The following DAP3 variants were observed in gnomAD, a reference collection of about 807,000 sequenced individuals.
DAP3 encodes the protein death associated protein 3.
Under a neutral mutation model 51.9 loss-of-function variants are expected in DAP3, and 28 were observed. That is an observed-to-expected ratio of 0.54 (90% CI 0.40 to 0.74). The LOEUF is 0.74. Ranked by LOEUF, DAP3 falls within the 30% of genes least tolerant of loss-of-function variation. DAP3 has a pLI of 0.00. For missense variants in DAP3, 458 were observed against 483.5 expected, an observed-to-expected ratio of 0.95 and a Z score of 0.49; for synonymous variants, 170 against 170.3, an observed-to-expected ratio of 1.00 and a Z score of 0.01.
intron 2 of DAP3, among the ~76,000 whole-genome samples, chr1:155,716,011 G>A (rs1440994474): frequency 6.6e-6 from 1 of 152,186 alleles, no homozygotes; most frequent in Non-Finnish European, 1.5e-5. Context: ...GATAACTGAG[G>A]TGACTGACAG....
At chr1:155,707,110 C>A (rs1029907038) in intron 1 of DAP3, among the ~76,000 whole-genome samples, 2 of 123,606 alleles carry the variant, frequency 1.6e-5, no homozygotes, top group African/African-American at 6.1e-5. Context: ...CAAAACAAAA[C>A]AAACAAAAAA....
chr1:155,701,023 C>T (rs796585225), intron 1 of DAP3, among the ~76,000 whole-genome samples: 18,388 of 110,346 alleles, frequency 0.17, 454 homozygotes, highest in East Asian at 0.46. Context: ...GCCCCCCGCC[C>T]GGCCAGCCGC....
intron 1 of DAP3, among the ~76,000 whole-genome samples, chr1:155,701,423 G>T (rs1655262934): frequency 4.6e-5 from 5 of 109,224 alleles, no homozygotes; most frequent in Non-Finnish European, 5.4e-5. Context: ...TCCACTCAGG[G>T]TTAAATGGAT....
intron 1 of DAP3, among the ~76,000 whole-genome samples, chr1:155,703,542 A>T (rs1434183327): frequency 1.3e-5 from 2 of 152,094 alleles, no homozygotes; most frequent in Non-Finnish European, 2.9e-5. Flanking sequence ...AATCAGCTTG[A>T]CAAGTTTTTT....
chr1:155,688,567 G>A (rs189141963), upstream of DAP3: 23 of 1,538,000 alleles, frequency 1.5e-5, no homozygotes, highest in East Asian at 2.4e-5. Flanking sequence ...CAGCCATCCC[G>A]TACGCGCTCA....
chr1:155,721,083 C>T (rs1454532530), intron 3 of DAP3, among the ~76,000 whole-genome samples: 6 of 150,880 alleles, frequency 4.0e-5, no homozygotes, highest in African/African-American at 1.5e-4. Flanking sequence ...ACCCTGTAAT[C>T]GCAGCATTTT....
chr1:155,735,117 A>G (rs1274779232), intron 11 of DAP3, among the ~76,000 whole-genome samples: 2 of 150,370 alleles, frequency 1.3e-5, no homozygotes, highest in East Asian at 3.9e-4. Context: ...TGAAAAAAAA[A>G]AAAAAAGAAA....
At chr1:155,736,793 G>C (rs1277592840) in intron 11 of DAP3, 153 bp from the exon 12 acceptor site, 1 of 697,210 alleles carries the variant, frequency 1.4e-6, no homozygotes, top group Non-Finnish European at 2.5e-6. Flanking sequence ...TCCATATGTG[G>C]AGTCCTGTAT....
chr1:155,688,016 T>A, upstream of DAP3: 1 of 1,511,160 alleles, frequency 6.6e-7, no homozygotes, highest in East Asian at 2.3e-5. Flanking sequence ...AGCCCAGGAT[T>A]CAATCGCTGA....
chr1:155,688,975 A>T (rs147058489), upstream of DAP3: 900 of 1,607,234 alleles, frequency 5.6e-4, 3 homozygotes, highest in African/African-American at 5.1e-3. Context: ...CTCCTCCTCC[A>T]TGGGACCGCG....
At chr1:155,720,062 C>T (rs1205258150) in intron 3 of DAP3, among the ~76,000 whole-genome samples, 2 of 151,970 alleles carry the variant, frequency 1.3e-5, no homozygotes, top group African/African-American at 4.8e-5. Context: ...CAGTGGCTCA[C>T]GCCTGTAATC....
At chr1:155,715,722 C>T (rs1159166717) in intron 2 of DAP3, among the ~76,000 whole-genome samples, 1 of 152,140 alleles carries the variant, frequency 6.6e-6, no homozygotes, top group Non-Finnish European at 1.5e-5. Flanking sequence ...GGTTTGTTAT[C>T]CTTAAGCTCA....
At position 155,729,264 on chromosome 1, in the gene DAP3, A is replaced by G. The variant is rs772816024; in HGVS notation, c.741A>G (p.Leu247=). ...CAGTTGGAATTGTGCTGAAAGAGCT[A>G]AAGAGGCAAAGTTCTTTGGGTATGT... ...TDAVGIVLKE[L]KRQSSLGMFH... The change falls in exon 9 of 13, where the codon CTA becomes CTG. Residue 247 remains leucine, a synonymous_variant. Coordinates refer to ENST00000368336, the MANE Select transcript of DAP3 (RefSeq NM_004632.4). 18 of 1,614,202 alleles carry G rather than the reference A, an allele frequency of 1.1e-5. No individual in the cohort carries two copies. Among genetic ancestry groups the G allele is most frequent in the Non-Finnish European group, 4.2e-6 (5 of 1,180,026 alleles).
chr1:155,726,934 T>G (rs1353129701), intron 6 of DAP3: 3 of 152,242 alleles, frequency 2.0e-5, no homozygotes, highest in African/African-American at 7.2e-5. Context: ...GGCTAAAAGC[T>G]TCCTGAAGCC....
intron 1 of DAP3, among the ~76,000 whole-genome samples, chr1:155,694,498 TTG>T (rs1485462775): frequency 1.4e-5 from 2 of 141,534 alleles, no homozygotes; most frequent in Non-Finnish European, 2.9e-5. Context: ...GTGGTTTTTG[TTG>T]TGTTTTCAGG....
intron 1 of DAP3, among the ~76,000 whole-genome samples, chr1:155,706,769 A>T (rs1349523694): frequency 6.6e-6 from 1 of 151,560 alleles, no homozygotes; most frequent in East Asian, 1.9e-4. Context: ...ATAAATAAAT[A>T]AATAAAATAA....
chr1:155,716,585 A>G (rs1657367354), intron 2 of DAP3, among the ~76,000 whole-genome samples: 1 of 151,606 alleles, frequency 6.6e-6, no homozygotes, highest in African/African-American at 2.4e-5. Context: ...AAAAAAAAAG[A>G]AAAATGTATG....
chr1:155,714,356 C>T (rs1423028774), intron 2 of DAP3, among the ~76,000 whole-genome samples: 1 of 152,168 alleles, frequency 6.6e-6, no homozygotes, highest in African/African-American at 2.4e-5. Flanking sequence ...TGGACCACCA[C>T]ACCTGGCTCC....
intron 11 of DAP3, among the ~76,000 whole-genome samples, chr1:155,734,355 T>TA (rs1557802328): frequency 6.6e-6 from 1 of 151,972 alleles, no homozygotes; most frequent in Non-Finnish European, 1.5e-5. Context: ...TTTTTTTTTT[T>TA]AGAGGCATGG....
Sources: gnomAD v4.1 joint callset for allele counts (sites outside exome capture counted in the v4.1 genomes callset) on GRCh38, gnomAD v4.1.1 for gene constraint, MANE v1.5 for transcripts, NCBI Gene and HGNC (gene_info 2026-07-23, HGNC 2026-07-21) for gene names.